Variants in OXNAD1 observed in about 807,000 individuals in gnomAD.
OXNAD1 encodes oxidoreductase NAD binding domain containing 1.
OXNAD1 carries 34 observed loss-of-function variants against 32.9 expected under a neutral mutation model. The observed-to-expected ratio is 1.03, with a 90% CI of 0.79 to 1.38. The LOEUF is 1.38. OXNAD1 is among the 40% of genes most tolerant of loss of function. OXNAD1 has a pLI of 0.00. For synonymous variants in OXNAD1, 134 were observed against 135.2 expected (o/e 0.99, Z 0.06); for missense variants, 407 against 379.4 (o/e 1.07, Z -0.60).
At position 16,280,891 on chromosome 3, in the gene OXNAD1, C is replaced by G. The variant is rs572091907; in HGVS notation, c.184-5451C>G. Among the ~76,000 whole-genome samples the G allele has an allele frequency of 6.6e-6, 1 of 152,292 alleles. No homozygotes were observed. Among genetic ancestry groups the G allele is most frequent in the East Asian group, 1.9e-4 (1 of 5,188 alleles). ...GTTATTTTACTGAACACTGGAAAAGCATAAATGTTGTTTTATGGAAAACTT... is the reference window on the plus strand; with the variant it reads ...GTTATTTTACTGAACACTGGAAAAGGATAAATGTTGTTTTATGGAAAACTT... On this transcript the variant is annotated intron_variant, in intron 4 of 8. Coordinates refer to ENST00000285083, the MANE Select transcript of OXNAD1 (RefSeq NM_138381.5). The surrounding 1 kb of genome is among the most constrained non-coding windows in gnomAD (Gnocchi z 4.5).
chr3:16,350,365 G>A (rs2125316882), downstream of OXNAD1: 1 of 152,254 alleles, frequency 6.6e-6, no homozygotes, highest in East Asian at 1.9e-4. Flanking sequence ...TAGAAGAGAT[G>A]GACATGAAGT....
rs2068571492 is a variant in OXNAD1, at chr3:16,317,736, C to T, written c.*30+14144C>T. ...ACACTGTGCTGTACCGCTCAGATCCCCCCACAGGACTGGCGGGCCCGCTCC... is the reference window on the plus strand; with the variant it reads ...ACACTGTGCTGTACCGCTCAGATCCTCCCACAGGACTGGCGGGCCCGCTCC... On this transcript the variant is annotated intron_variant, in intron 9 of 9. Coordinates refer to the OXNAD1 transcript ENST00000435829. This position sits in a 1 kb window ranked among gnomAD's most constrained non-coding sequence, Gnocchi z 4.3. 6.6e-6 allele frequency among the ~76,000 whole-genome samples: 1 copy of T among 151,124 alleles called. No individual in the cohort carries two copies. Among genetic ancestry groups the T allele is most frequent in the African/African-American group, 2.5e-5 (1 of 40,522 alleles).
intron 9 of OXNAD1, chr3:16,326,698 G>T: frequency 9.3e-7 from 1 of 1,072,540 alleles, no homozygotes; most frequent in Non-Finnish European, 1.4e-6. Flanking sequence ...TTATAGACGT[G>T]AGGTGCTCAT....
chr3:16,306,544 TTTATTTTAA>T (rs555468329), downstream of OXNAD1, among the ~76,000 whole-genome samples: 146 of 79,774 alleles, frequency 1.8e-3, no homozygotes, highest in African/African-American at 0.011. Flanking sequence ...GTTAATGTCT[TTTATTTTAA>T]TTAATTAATG....
At chr3:16,338,370 AC>A (rs948583409), downstream of OXNAD1, among the ~76,000 whole-genome samples, 3 of 152,212 alleles carry the variant, frequency 2.0e-5, no homozygotes, top group Non-Finnish European at 4.4e-5. The surrounding 1 kb of genome is among the most constrained non-coding windows in gnomAD (Gnocchi z 5.3). Flanking sequence ...GCCAACTCTG[AC>A]CCGTAGCAGG....
At chr3:16,318,240 C>T (rs547081819) in intron 9 of OXNAD1, among the ~76,000 whole-genome samples, 5 of 149,334 alleles carry the variant, frequency 3.3e-5, no homozygotes, top group Admixed American at 6.6e-5. Flanking sequence ...CCAGAGTGCA[C>T]GTGGGGTTTT....
chr3:16,323,157 C>T (rs2069273936), intron 9 of OXNAD1, among the ~76,000 whole-genome samples: 1 of 152,116 alleles, frequency 6.6e-6, no homozygotes, highest in Admixed American at 6.6e-5. Context: ...TCCTTCTGGC[C>T]GGCCCAGCAG....
At chr3:16,308,295 A>T (rs2125116696), downstream of OXNAD1, among the ~76,000 whole-genome samples, 1 of 152,310 alleles carries the variant, frequency 6.6e-6, no homozygotes, top group African/African-American at 2.4e-5. This position sits in a 1 kb window ranked among gnomAD's most constrained non-coding sequence, Gnocchi z 4.4. Flanking sequence ...TGGGTGAGTC[A>T]CTGGAATGAT....
At chr3:16,332,748 C>T (rs376696406) in intron 9 of OXNAD1, among the ~76,000 whole-genome samples, 2 of 152,310 alleles carry the variant, frequency 1.3e-5, no homozygotes, top group East Asian at 1.9e-4. Context: ...ATTCCTCTAT[C>T]TACTTTCCAT....
At chr3:16,281,455 A>G (rs1291275290) in intron 4 of OXNAD1, among the ~76,000 whole-genome samples, 1 of 152,172 alleles carries the variant, frequency 6.6e-6, no homozygotes, top group Non-Finnish European at 1.5e-5. Flanking sequence ...AGCCTTTTGG[A>G]TTTCAGATTT....
rs987629119 is a variant in OXNAD1 at position 16,312,355 on chromosome 3, C to G, written c.*30+8763C>G. ...AGGCAGAGCACTAATCACCAGGGGC[C>G]CACCCTGCACTACTCACGCAGTTGG... On this transcript the variant is annotated intron_variant, in intron 9 of 9. Coordinates refer to the OXNAD1 transcript ENST00000435829. The surrounding 1 kb of genome is among the most constrained non-coding windows in gnomAD (Gnocchi z 4.7). 6.6e-6 allele frequency among the ~76,000 whole-genome samples: 1 copy of G among 152,154 alleles called. No individual in the cohort carries two copies. The highest frequency in any genetic ancestry group is 1.5e-5 in the Non-Finnish European group (1 of 68,024).
chr3:16,326,774 TG>T, intron 9 of OXNAD1: 2 of 1,612,250 alleles, frequency 1.2e-6, no homozygotes, highest in South Asian at 1.1e-5. Flanking sequence ...TATTGTTACC[TG>T]GTAGTCTTGA....
At chr3:16,279,717 C>T (rs182816630) in intron 4 of OXNAD1, among the ~76,000 whole-genome samples, 38 of 152,066 alleles carry the variant, frequency 2.5e-4, no homozygotes, top group African/African-American at 8.7e-4. Flanking sequence ...GAGAGAGGAG[C>T]CAACTGTGCT....
chr3:16,274,182 A>C (rs907513480), intron 4 of OXNAD1, among the ~76,000 whole-genome samples: 6 of 151,328 alleles, frequency 4.0e-5, no homozygotes, highest in South Asian at 2.1e-4. Flanking sequence ...AAAAAAAAAA[A>C]AACAAAAGAT....
intron 4 of OXNAD1, among the ~76,000 whole-genome samples, chr3:16,283,247 C>A (rs537074754): frequency 6.6e-6 from 1 of 152,220 alleles, no homozygotes; most frequent in East Asian, 1.9e-4. Flanking sequence ...TACCCTGTTC[C>A]CCAGTTTCAG....
At chr3:16,278,866 G>A (rs916680872) in intron 4 of OXNAD1, among the ~76,000 whole-genome samples, 7 of 152,142 alleles carry the variant, frequency 4.6e-5, no homozygotes, top group Non-Finnish European at 7.3e-5. Flanking sequence ...CTTATAATCC[G>A]CTTGTGATCT....
At chr3:16,326,852 C>G in intron 9 of OXNAD1, 1 of 1,614,002 alleles carries the variant, frequency 6.2e-7, no homozygotes, top group Non-Finnish European at 8.5e-7. Flanking sequence ...AGCAGGGGCA[C>G]GTAGTCTGTC....
At chr3:16,326,780 T>G in intron 9 of OXNAD1, 1 of 1,613,610 alleles carries the variant, frequency 6.2e-7, no homozygotes, top group Non-Finnish European at 8.5e-7. Context: ...TACCTGGTAG[T>G]CTTGACGACG....
downstream of OXNAD1, among the ~76,000 whole-genome samples, chr3:16,307,630 A>G (rs1179011889): frequency 1.3e-5 from 2 of 152,246 alleles, no homozygotes; most frequent in Non-Finnish European, 2.9e-5. Context: ...TAATAGTTTT[A>G]AAGAAATTTA....
Sources: gnomAD v4.1 joint callset for allele counts (sites outside exome capture counted in the v4.1 genomes callset) on GRCh38, gnomAD v4.1.1 for gene constraint, Gnocchi (gnomAD v3.1) non-coding constraint, MANE v1.5 for transcripts, NCBI Gene and HGNC (gene_info 2026-07-23, HGNC 2026-07-21) for gene names.